The following FER variants were observed in gnomAD, a reference collection of about 807,000 sequenced individuals.
FER encodes the protein tyrosine-protein kinase Fer.
A neutral mutation model predicts 111.0 loss-of-function variants in FER; 63 were observed. The ratio of observed to expected loss-of-function variants is 0.57; its 90% CI spans 0.46 to 0.70. The LOEUF (loss-of-function observed/expected upper bound fraction) is 0.70. FER is among the 30% of genes least tolerant of loss of function. FER has a pLI of 0.00. For missense variants in FER, 914 were observed against 954.0 expected (o/e 0.96, Z 0.55); for synonymous variants, 327 against 313.9 (o/e 1.04, Z -0.44).
chr5:108,797,329 C>T (rs1032077839), intron 2 of FER, among the ~76,000 whole-genome samples: 1 of 151,988 alleles, frequency 6.6e-6, no homozygotes, highest in African/African-American at 2.4e-5. Flanking sequence ...CTGTGCTGGC[C>T]GGGGTGCAGA....
intron 3 of FER, among the ~76,000 whole-genome samples, chr5:108,806,299 A>T (rs1490462931): frequency 6.6e-6 from 1 of 152,196 alleles, no homozygotes. Context: ...TGGATGTCCC[A>T]GCAGAAGTTT....
At chr5:109,013,921 A>G (rs1766669475) in intron 13 of FER, among the ~76,000 whole-genome samples, 1 of 151,888 alleles carries the variant, frequency 6.6e-6, no homozygotes, top group African/African-American at 2.4e-5. Flanking sequence ...CCACTTTTTG[A>G]TGGGGTTGGT....
intron 2 of FER, among the ~76,000 whole-genome samples, chr5:108,772,888 C>A (rs1218195505): frequency 2.6e-5 from 4 of 152,126 alleles, no homozygotes; most frequent in Non-Finnish European, 5.9e-5. Context: ...TCTAGTCTTT[C>A]AGAAATGCAT....
chr5:108,945,717 T>G (rs547837114), intron 10 of FER, among the ~76,000 whole-genome samples: 1 of 152,152 alleles, frequency 6.6e-6, no homozygotes, highest in East Asian at 1.9e-4. Flanking sequence ...TTTTTGTGAT[T>G]ATTTTTTCTT....
intron 2 of FER, among the ~76,000 whole-genome samples, chr5:108,793,044 T>G (rs889616360): frequency 6.6e-6 from 1 of 152,194 alleles, no homozygotes; most frequent in African/African-American, 2.4e-5. Context: ...GCTTTAGTTA[T>G]TTGATAATGT....
intron 17 of FER, among the ~76,000 whole-genome samples, chr5:109,107,123 G>T (rs1169685170): frequency 2.0e-5 from 3 of 152,132 alleles, no homozygotes; most frequent in African/African-American, 7.2e-5. Context: ...GTGTTACACA[G>T]ATAAGATAGA....
chr5:109,184,348 C>T (rs888472155), intron 18 of FER, among the ~76,000 whole-genome samples: 48 of 152,134 alleles, frequency 3.2e-4, no homozygotes, highest in African/African-American at 1.1e-3. Context: ...ACAATAGGAC[C>T]TTTTCCCTAT....
chr5:109,049,035 A>C (rs934577418), intron 16 of FER, among the ~76,000 whole-genome samples: 1 of 152,208 alleles, frequency 6.6e-6, no homozygotes, highest in Non-Finnish European at 1.5e-5. Flanking sequence ...TGTTCAATGA[A>C]TATCCTTGGA....
At chr5:109,027,453 T>C (rs968079480) in intron 13 of FER, among the ~76,000 whole-genome samples, 1 of 152,238 alleles carries the variant, frequency 6.6e-6, no homozygotes, top group Admixed American at 6.5e-5. Flanking sequence ...GGTTGTTCTT[T>C]ACTATTAGCA....
At chr5:109,015,602 G>T (rs1766979839) in intron 13 of FER, among the ~76,000 whole-genome samples, 2 of 151,884 alleles carry the variant, frequency 1.3e-5, no homozygotes, top group South Asian at 4.2e-4. Flanking sequence ...CAAGCTGACA[G>T]GTGACATAAG....
rs746184286 is a variant in FER, at chr5:109,058,724, C to CTTTTTTTTTTTTTTTTTTT, written c.1924+11534_1924+11552dup. Among the ~76,000 whole-genome samples the CTTTTTTTTTTTTTTTTTTT allele has an allele frequency of 6.8e-4, 52 of 76,254 alleles. 2 individuals are homozygous for CTTTTTTTTTTTTTTTTTTT. The highest frequency in any genetic ancestry group is 1.2e-3 in the African/African-American group (20 of 17,114). The allele number at this position is 76,254 out of a possible 152,430, so 50.0% of individuals were successfully genotyped here. A position where few individuals can be genotyped will look rare whatever the true frequency, so the allele number is the denominator to read the frequency against. On this transcript the variant is annotated intron_variant, in intron 16 of 19. Coordinates refer to ENST00000281092, the MANE Select transcript of FER (RefSeq NM_005246.4). ...TCTTTTTCTTTTTCTTTCTTTCTTT[C>CTTTTTTTTTTTTTTTTTTT]TTTTTTTTTTTTTTTTTTTTTTTTT...
chr5:108,844,990 G>A (rs13187429), intron 5 of FER, among the ~76,000 whole-genome samples: 1,849 of 41,668 alleles, frequency 0.044, 59 homozygotes, highest in African/African-American at 0.15. Context: ...GCTGGTGTGT[G>A]TGTGTGTATA....
At chr5:108,772,077 C>T (rs970194965) in intron 2 of FER, among the ~76,000 whole-genome samples, 1 of 152,026 alleles carries the variant, frequency 6.6e-6, no homozygotes, top group Admixed American at 6.6e-5. Flanking sequence ...CCTCATATGA[C>T]AGGAGGGATG....
chr5:108,898,715 C>G (rs927069983), intron 10 of FER, among the ~76,000 whole-genome samples: 2 of 149,784 alleles, frequency 1.3e-5, no homozygotes. Flanking sequence ...TTTCTATTAT[C>G]TACCTATTGA....
chr5:108,818,465 T>G (rs879760214), intron 3 of FER, among the ~76,000 whole-genome samples: 2 of 152,032 alleles, frequency 1.3e-5, no homozygotes, highest in African/African-American at 2.4e-5. Context: ...GAATAAATCT[T>G]TTGAAATCAC....
intron 10 of FER, among the ~76,000 whole-genome samples, chr5:108,919,492 G>A (rs1752745042): frequency 6.6e-6 from 1 of 151,902 alleles, no homozygotes; most frequent in Non-Finnish European, 1.5e-5. Flanking sequence ...ATTGACATTT[G>A]TCAATAAGGC....
chr5:108,944,573 A>G (rs1177412950), intron 10 of FER, among the ~76,000 whole-genome samples: 1 of 152,092 alleles, frequency 6.6e-6, no homozygotes, highest in Non-Finnish European at 1.5e-5. Flanking sequence ...TGTTTGATGT[A>G]AAAATCAACC....
chr5:108,839,572 C>CTTTTT (rs1232820003), intron 5 of FER, among the ~76,000 whole-genome samples: 212 of 94,700 alleles, frequency 2.2e-3, no homozygotes, highest in Non-Finnish European at 2.8e-3. Context: ...ATGCCATTTT[C>CTTTTT]TTTTTTTTTT....
At chr5:108,842,445 A>G (rs1761360022) in intron 5 of FER, 1 of 152,162 alleles carries the variant, frequency 6.6e-6, no homozygotes, top group African/African-American at 2.4e-5. Context: ...CAAAAGGAAC[A>G]GTCAGCAGAG....
Sources: gnomAD v4.1 joint callset for allele counts (sites outside exome capture counted in the v4.1 genomes callset) on GRCh38, gnomAD v4.1.1 for gene constraint, MANE v1.5 for transcripts, NCBI Gene and HGNC (gene_info 2026-07-23, HGNC 2026-07-21) for gene names.